Variants in SEC23IP observed in about 807,000 individuals in gnomAD.
SEC23IP encodes the protein SEC23 interacting protein.
SEC23IP carries 70 observed loss-of-function variants against 113.4 expected under a neutral mutation model. The ratio of observed to expected loss-of-function variants is 0.62; its 90% CI spans 0.51 to 0.75. The LOEUF (loss-of-function observed/expected upper bound fraction) is 0.75. Ranked by LOEUF, SEC23IP falls within the 30% of genes least tolerant of loss-of-function variation. The probability of loss-of-function intolerance (pLI) is 0.00; values close to 1 mark genes in which losing one functional copy is unlikely to be tolerated. For missense variants in SEC23IP, 1,160 were observed against 1,204.9 expected, an observed-to-expected ratio of 0.96 and a Z score of 0.55; for synonymous variants, 398 against 421.0, an observed-to-expected ratio of 0.95 and a Z score of 0.67.
At chr10:119,928,854 A>G (rs1366867243) in intron 13 of SEC23IP, among the ~76,000 whole-genome samples, 1 of 152,256 alleles carries the variant, frequency 6.6e-6, no homozygotes. Flanking sequence ...ACTGGAGAGG[A>G]TGATAGTTAT....
At chr10:119,898,405 A>C (rs202173869) in intron 1 of SEC23IP, 22 bp from the exon 2 acceptor site, 13 of 1,593,172 alleles carry the variant, frequency 8.2e-6, no homozygotes, top group Non-Finnish European at 1.0e-5. Flanking sequence ...TTTAAACCAC[A>C]TGCTCTCCTG....
chr10:119,919,947 A>G (rs551189826), intron 11 of SEC23IP, among the ~76,000 whole-genome samples: 38 of 152,258 alleles, frequency 2.5e-4, no homozygotes, highest in Non-Finnish European at 5.0e-4. Context: ...CATCAGTGTG[A>G]TATGTAAATA....
At chr10:119,908,902 A>G (rs1854766787) in intron 4 of SEC23IP, 139 bp from the exon 5 acceptor site, 1 of 605,868 alleles carries the variant, frequency 1.7e-6, no homozygotes. Flanking sequence ...GTGATAAAAA[A>G]TATGTTAACC....
intron 12 of SEC23IP, 79 bp from the exon 13 acceptor site, chr10:119,925,957 G>T: frequency 8.6e-7 from 1 of 1,168,414 alleles, no homozygotes; most frequent in South Asian, 1.6e-5. Flanking sequence ...CCTTAATACT[G>T]AGATAGCATG....
At position 119,915,791 on chromosome 10, in the gene SEC23IP, T is replaced by C. The variant is rs1422207415; in HGVS notation, c.1446T>C (p.His482=). 6.2e-7 allele frequency: 1 copy of C among 1,603,786 alleles called. No individual in the cohort carries two copies. Among genetic ancestry groups the C allele is most frequent in the Non-Finnish European group, 8.5e-7 (1 of 1,174,568 alleles). ...RVVSLKLLRT[H]FKKSLDDGKV... ...TTTCTCTCAAATTGCTGCGGACACA[T>C]TTCAAGAAATCTTTAGATGACGGGA... The change falls in exon 8 of 19, where the codon CAT becomes CAC. Residue 482 remains histidine (H), a synonymous_variant. Coordinates refer to ENST00000369075, the MANE Select transcript of SEC23IP (RefSeq NM_007190.4).
chr10:119,931,995 G>A, intron 15 of SEC23IP, 138 bp from the exon 16 acceptor site: 1 of 541,804 alleles, frequency 1.8e-6, no homozygotes, highest in Non-Finnish European at 3.3e-6. Context: ...TCTTGGCTGA[G>A]GCACTCCGTA....
intron 4 of SEC23IP, among the ~76,000 whole-genome samples, chr10:119,908,021 G>A (rs1178608094): frequency 1.3e-5 from 2 of 152,184 alleles, no homozygotes; most frequent in African/African-American, 4.8e-5. Flanking sequence ...GGTATTATAA[G>A]TAATCTAGAG....
intron 11 of SEC23IP, 47 bp from the exon 12 acceptor site, chr10:119,920,842 C>T (rs757705965): frequency 2.1e-5 from 26 of 1,250,000 alleles, no homozygotes; most frequent in East Asian, 4.7e-5. Flanking sequence ...CATTTCAGTT[C>T]TTCTATCACT....
intron 7 of SEC23IP, 75 bp from the exon 8 acceptor site, chr10:119,915,673 T>G: frequency 2.9e-6 from 3 of 1,032,060 alleles, no homozygotes; most frequent in Non-Finnish European, 3.9e-6. Context: ...TACTGGCATA[T>G]TTGAGGTAAC....
intron 10 of SEC23IP, 138 bp from the exon 11 acceptor site, chr10:119,919,306 C>T (rs1589838812): frequency 2.5e-6 from 2 of 788,802 alleles, no homozygotes; most frequent in East Asian, 5.6e-5. Flanking sequence ...AATATTCAAA[C>T]TTTGAATGGC....
chr10:119,920,446 C>G (rs1237077748), intron 11 of SEC23IP, among the ~76,000 whole-genome samples: 1 of 152,138 alleles, frequency 6.6e-6, no homozygotes, highest in Non-Finnish European at 1.5e-5. Context: ...ATACCCGTCT[C>G]TAAGGTACAT....
chr10:119,933,604 G>C (rs1855678988), intron 17 of SEC23IP, 82 bp from the exon 18 acceptor site: 2 of 758,272 alleles, frequency 2.6e-6, no homozygotes, highest in Admixed American at 4.1e-5. Flanking sequence ...GAATAGAATA[G>C]AACCTGCATT....
At chr10:119,894,031 T>G (rs1854190063) in intron 1 of SEC23IP, among the ~76,000 whole-genome samples, 1 of 152,212 alleles carries the variant, frequency 6.6e-6, no homozygotes, top group Non-Finnish European at 1.5e-5. Flanking sequence ...TAACTTGCTG[T>G]GTGACTGTAG....
At chr10:119,897,368 C>T (rs955163552) in intron 1 of SEC23IP, among the ~76,000 whole-genome samples, 4 of 152,144 alleles carry the variant, frequency 2.6e-5, no homozygotes, top group African/African-American at 9.7e-5. Flanking sequence ...TATTTGGAGT[C>T]GTTAATACCC....
At chr10:119,939,878 G>C (rs1188986379) in intron 18 of SEC23IP, among the ~76,000 whole-genome samples, 3 of 151,840 alleles carry the variant, frequency 2.0e-5, no homozygotes, top group Non-Finnish European at 4.4e-5. Flanking sequence ...TTATTTTTTG[G>C]TAGAGACAGG....
At chr10:119,917,768 A>C in intron 8 of SEC23IP, 68 bp from the exon 9 acceptor site, 1 of 1,238,258 alleles carries the variant, frequency 8.1e-7, no homozygotes, top group Admixed American at 2.1e-5. Context: ...AAAAATCTAA[A>C]CTTTAAAAAA....
At chr10:119,917,176 T>G (rs937877035) in intron 8 of SEC23IP, among the ~76,000 whole-genome samples, 1 of 151,900 alleles carries the variant, frequency 6.6e-6, no homozygotes, top group African/African-American at 2.4e-5. Flanking sequence ...GCAGCACAAA[T>G]TTTTTTGGTT....
intron 2 of SEC23IP, among the ~76,000 whole-genome samples, chr10:119,900,302 T>G (rs1222908235): frequency 6.6e-6 from 1 of 150,656 alleles, no homozygotes; most frequent in East Asian, 1.9e-4. Context: ...TGTGTGTATA[T>G]ATATATATAT....
chr10:119,944,583 G>A lies in SEC23IP; in HGVS notation c.*4018G>A, dbSNP rs775410733. On this transcript the variant is annotated 3_prime_UTR_variant, in exon 19 of 19. Transcript: ENST00000369075. ...CTGGGGCGACTGAAGAAATTATGTT[G>A]TTAAGCACGAAATGCAGAGAGAGAG... 2.0e-5 allele frequency: 3 copies of A among 152,220 alleles called. No individual in the cohort carries two copies. Among genetic ancestry groups the A allele is most frequent in the Non-Finnish European group, 2.9e-5 (2 of 68,048 alleles). The allele number at this position is 152,220 out of a possible 1,614,324, so 9.4% of individuals were successfully genotyped here. A position where few individuals can be genotyped will look rare whatever the true frequency, so the allele number is the denominator to read the frequency against.
Sources: gnomAD v4.1 joint callset for allele counts (sites outside exome capture counted in the v4.1 genomes callset) on GRCh38, gnomAD v4.1.1 for gene constraint, MANE v1.5 for transcripts, NCBI Gene and HGNC (gene_info 2026-07-23, HGNC 2026-07-21) for gene names.